Variants in PYGL observed in about 807,000 individuals in gnomAD.
PYGL encodes glycogen phosphorylase, liver form.
PYGL carries 90 observed loss-of-function variants against 100.1 expected under a neutral mutation model. That is an observed-to-expected ratio of 0.90 (90% CI 0.76 to 1.07). PYGL has a LOEUF of 1.07. Among genes scored for constraint, PYGL ranks in the 50% least tolerant of loss-of-function variants. PYGL has a pLI of 0.00. For missense variants in PYGL, 1,016 were observed against 1,057.6 expected, an observed-to-expected ratio of 0.96 and a Z score of 0.55; for synonymous variants, 373 against 393.0, an observed-to-expected ratio of 0.95 and a Z score of 0.60.
rs184511903 is a variant in PYGL at position 50,917,261 on chromosome 14, T to C, written c.856-156A>G. 2.3e-3 allele frequency among the ~76,000 whole-genome samples: 348 copies of C among 152,290 alleles called. 3 individuals carry two copies. Among genetic ancestry groups the C allele is most frequent in the African/African-American group, 7.9e-3 (328 of 41,550 alleles). ...TGCCAAACTGTGAGCCTTTGCTCTT[T>C]CCTGAGACCCCATGAAAATGGCAGT... On this transcript the variant is annotated intron_variant, in intron 7 of 19. Transcript: ENST00000216392.
chr14:50,925,920 A>T (rs1244208795), intron 4 of PYGL, among the ~76,000 whole-genome samples: 1 of 152,124 alleles, frequency 6.6e-6, no homozygotes, highest in African/African-American at 2.4e-5. Flanking sequence ...GATTCTCAGT[A>T]GGTCTGGGGA....
At position 50,920,976 on chromosome 14, in the gene PYGL, T is replaced by G. The variant is rs767934063; in HGVS notation, c.752A>C (p.Asn251Thr). The G allele has an allele frequency of 6.2e-7, 1 of 1,613,824 alleles. No homozygotes were observed. Among genetic ancestry groups the G allele is most frequent in the Non-Finnish European group, 8.5e-7 (1 of 1,179,832 alleles). Residue 251 changes from asparagine (N) to threonine (T), a missense_variant, in exon 6 of 20, where the codon AAT (asparagine) becomes ACT (threonine). Physicochemically the swap from Asn to Thr is moderately conservative, Grantham distance 65. Coordinates refer to ENST00000216392, the MANE Select transcript of PYGL (RefSeq NM_002863.5). ...CTCACAGTCTCTGAGGTTAAAGTCA[T>G]TTGGTGCCCGAGCAGACCAGAGGCG... is the stretch of plus-strand genomic sequence containing the variant. ...TMRLWSARAP[N>T]DFNLRDFNVG...
chr14:50,905,676 G>A, intron 19 of PYGL, 120 bp from the exon 20 acceptor site: 1 of 983,204 alleles, frequency 1.0e-6, no homozygotes, highest in South Asian at 1.4e-5. Flanking sequence ...ATAAATTATA[G>A]TAAATTACAA....
rs2050401497 is a variant in PYGL at position 50,911,838 on chromosome 14, T to C, written c.1861A>G (p.Ile621Val). The C allele has an allele frequency of 1.9e-6, 3 of 1,613,012 alleles. No individual in the cohort carries two copies. The highest frequency in any genetic ancestry group is 4.5e-5 in the East Asian group (2 of 44,798). ...APGYHMAKMI[I>V]KLITSVADVV... is the part of the protein sequence containing the mutation. ...TCTGCCACTGAAGTGATCAGCTTTA[T>C]GATCATTTTGGCCATGTGATATCCT... Residue 621 changes from isoleucine (I) to valine (V), a missense_variant, in exon 16 of 20, where the codon ATA (isoleucine) becomes GTA (valine). Physicochemically the swap from Ile to Val is conservative, Grantham distance 29. Coordinates refer to ENST00000216392, the MANE Select transcript of PYGL (RefSeq NM_002863.5).
At chr14:50,907,978 C>T (rs1202783380) in intron 19 of PYGL, among the ~76,000 whole-genome samples, 4 of 145,836 alleles carry the variant, frequency 2.7e-5, no homozygotes, top group South Asian at 2.2e-4. Flanking sequence ...GTCAGGATCA[C>T]GCCGCTGCAC....
Position 50,908,257 on chromosome 14 carries a change from G to T in PYGL, c.2379+14C>A. 6.4e-7 allele frequency: 1 copy of T among 1,560,064 alleles called. No individual in the cohort carries two copies. Among genetic ancestry groups the T allele is most frequent in the Non-Finnish European group, 8.8e-7 (1 of 1,131,750 alleles). ...TAAACTGGTTTTCTTTATAAATCTT[G>T]GCAATTTACTCACCATGTACAGCTG... On this transcript the variant is annotated intron_variant, in intron 19 of 19. Transcript: ENST00000216392.
intron 1 of PYGL, among the ~76,000 whole-genome samples, chr14:50,941,861 G>C (rs746467626): frequency 2.0e-5 from 3 of 152,204 alleles, no homozygotes; most frequent in South Asian, 4.1e-4. Flanking sequence ...ATGGGTGACA[G>C]AGTGAGACTC....
Position 50,915,920 on chromosome 14 carries a change from G to A in PYGL, c.1144C>T (p.Pro382Ser), listed in dbSNP as rs1417212734. Residue 382 changes from proline to serine, a missense_variant, in exon 10 of 20, where the codon CCG becomes TCG. Transcript: ENST00000216392. ...TFAYTNHTVL[P>S]EALERWPVDL... ...ACGGGCCAGCGCTCCAGGGCTTCCG[G>A]GAGCACTGTGTGGTTGGTGTAGGCG... is the stretch of plus-strand genomic sequence containing the variant. 3 of 1,614,136 alleles carry A rather than the reference G, an allele frequency of 1.9e-6. No individual in the cohort carries two copies. Among genetic ancestry groups the A allele is most frequent in the East Asian group, 2.2e-5 (1 of 44,900 alleles).
At position 50,915,892 on chromosome 14, in the gene PYGL, T is replaced by G; in HGVS notation, c.1172A>C (p.Asp391Ala). 1 of 1,614,224 alleles carries G rather than the reference T, an allele frequency of 6.2e-7. No individual in the cohort carries two copies. The highest frequency in any genetic ancestry group is 8.5e-7 in the Non-Finnish European group (1 of 1,180,024). Residue 391 changes from aspartate (D) to alanine (A), a missense_variant, in exon 10 of 20, where the codon GAC (aspartate) becomes GCC (alanine). Transcript: ENST00000216392. ...LPEALERWPV[D>A]LVEKLLPRHL... The stretch of plus-strand genomic sequence containing the variant: ...TCGAGGGAGCAGCTTCTCCACCAGG[T>G]CCACGGGCCAGCGCTCCAGGGCTTC...
rs772395656 is a variant in PYGL at position 50,944,208 on chromosome 14, C to A, written c.196G>T (p.Gly66Trp). The A allele has an allele frequency of 6.2e-7, 1 of 1,612,042 alleles. No individual in the cohort carries two copies. The highest frequency in any genetic ancestry group is 1.1e-5 in the South Asian group (1 of 91,078). Reference sequence around the variant, plus strand: ...TGCTGCTGCGTGCGGATCCAGCGCCCCACCAGGTGGTCGCGCACCGTGTGC... The same window carrying A: ...TGCTGCTGCGTGCGGATCCAGCGCCACACCAGGTGGTCGCGCACCGTGTGC... ...LAHTVRDHLV[G>W]RWIRTQQHYY... Residue 66 changes from glycine (G) to tryptophan (W), a missense_variant, in exon 1 of 20, where the codon GGG (glycine) becomes TGG (tryptophan). By Grantham distance (184) the Gly-to-Trp change is radical. Transcript: ENST00000216392.
At chr14:50,913,592 T>C (rs2050419780) in intron 12 of PYGL, among the ~76,000 whole-genome samples, 2 of 152,050 alleles carry the variant, frequency 1.3e-5, no homozygotes, top group Admixed American at 6.6e-5. Context: ...GCCAGAATGG[T>C]CTCGATCTCC....
chr14:50,926,466 G>A (rs1002405316), intron 4 of PYGL, among the ~76,000 whole-genome samples: 19 of 151,976 alleles, frequency 1.3e-4, no homozygotes, highest in Admixed American at 1.2e-3. Context: ...TGGTGGCAAC[G>A]CCTGTAATCC....
At chr14:50,920,913 T>G (rs1468900029) in intron 6 of PYGL, 43 bp downstream of exon 6, 2 of 1,547,544 alleles carry the variant, frequency 1.3e-6, no homozygotes, top group Non-Finnish European at 1.8e-6. Flanking sequence ...ATCAAAAAGA[T>G]TAAGCACACG....
chr14:50,923,578 G>C (rs2050520162), intron 5 of PYGL: 1 of 197,546 alleles, frequency 5.1e-6, no homozygotes, highest in Non-Finnish European at 1.0e-5. Flanking sequence ...GTGAGCCACT[G>C]CACCCAGCCA....
intron 7 of PYGL, among the ~76,000 whole-genome samples, chr14:50,919,280 A>G (rs755282492): frequency 6.6e-6 from 1 of 152,246 alleles, no homozygotes; most frequent in Non-Finnish European, 1.5e-5. Flanking sequence ...TGACCCTGAC[A>G]TAGAATAACT....
At chr14:50,928,050 C>T (rs144844432) in intron 4 of PYGL, among the ~76,000 whole-genome samples, 57 of 152,242 alleles carry the variant, frequency 3.7e-4, no homozygotes, top group African/African-American at 1.3e-3. Flanking sequence ...AGAGGCTGCA[C>T]GGGGCTGAAG....
intron 4 of PYGL, among the ~76,000 whole-genome samples, chr14:50,926,485 T>C (rs578089700): frequency 1.2e-4 from 18 of 152,034 alleles, no homozygotes; most frequent in African/African-American, 4.1e-4. Context: ...CCCAGCACTT[T>C]GGGAGGCCGA....
intron 5 of PYGL, 194 bp downstream of exon 5, chr14:50,923,775 C>T: frequency 1.7e-6 from 1 of 583,104 alleles, no homozygotes; most frequent in South Asian, 2.5e-5. Context: ...CCTCTCTTGG[C>T]CTCAGCTCCT....
intron 1 of PYGL, among the ~76,000 whole-genome samples, chr14:50,939,409 C>T (rs2050685646): frequency 6.6e-6 from 1 of 152,126 alleles, no homozygotes; most frequent in Non-Finnish European, 1.5e-5. Context: ...AAGAAGACTA[C>T]CTAAGGTTTA....
Sources: gnomAD v4.1 joint callset for allele counts (sites outside exome capture counted in the v4.1 genomes callset) on GRCh38, gnomAD v4.1.1 for gene constraint, MANE v1.5 for transcripts, NCBI Gene and HGNC (gene_info 2026-07-23, HGNC 2026-07-21) for gene names.